SPPL2B: variants seen among roughly 807,000 people sequenced by gnomAD.
The protein encoded by SPPL2B is signal peptide peptidase like 2B, also known as signal peptide peptidase-like 2B.
SPPL2B carries 39 observed loss-of-function variants against 59.7 expected under a neutral mutation model. That is an observed-to-expected ratio of 0.65 (90% CI 0.51 to 0.85). The LOEUF (loss-of-function observed/expected upper bound fraction) is 0.85, where lower values mean the gene tolerates loss of function less well. SPPL2B is among the 40% of genes least tolerant of loss of function. The pLI, the probability that SPPL2B is intolerant of heterozygous loss-of-function variation, is 0.00. For missense variants in SPPL2B, 865 were observed against 849.0 expected (o/e 1.02, Z -0.23); for synonymous variants, 419 against 370.8 (o/e 1.13, Z -1.49).
intron 8 of SPPL2B, chr19:2,342,601 C>G (rs1969119270): frequency 1.3e-5 from 2 of 153,034 alleles, no homozygotes; most frequent in Admixed American, 6.5e-5. Flanking sequence ...TGCAGCGAGT[C>G]AAGATCGTGC....
At chr19:2,349,121 C>G (rs1272141624) in intron 13 of SPPL2B, among the ~76,000 whole-genome samples, 1 of 84,636 alleles carries the variant, frequency 1.2e-5, no homozygotes, top group Non-Finnish European at 2.3e-5. Context: ...CATTCTCTCC[C>G]TCCACACACA....
chr19:2,338,623 C>A, intron 3 of SPPL2B, 129 bp from the exon 4 acceptor site: 1 of 595,448 alleles, frequency 1.7e-6, no homozygotes, highest in Non-Finnish European at 3.0e-6. Flanking sequence ...AGAGGGGGAG[C>A]CAGCAGGCGC....
intron 11 of SPPL2B, 44 bp from the exon 12 acceptor site, chr19:2,344,509 G>C (rs377102234): frequency 1.9e-6 from 3 of 1,584,756 alleles, no homozygotes; most frequent in Non-Finnish European, 2.6e-6. Context: ...TCCCGCGGCC[G>C]GGTGAGGGTC....
chr19:2,341,383 A>T (rs1568440324), intron 8 of SPPL2B: 2 of 480,608 alleles, frequency 4.2e-6, no homozygotes, highest in African/African-American at 2.0e-5. Flanking sequence ...TTCGAGGCCC[A>T]GGGTGTGGGC....
At chr19:2,336,260 G>A (rs529523689) in intron 2 of SPPL2B, among the ~76,000 whole-genome samples, 2 of 140,220 alleles carry the variant, frequency 1.4e-5, no homozygotes, top group Non-Finnish European at 3.0e-5. Context: ...ATAGTTTTGT[G>A]TATGGATGTG....
Position 2,353,369 on chromosome 19 carries a change from C to G in SPPL2B, c.*160C>G. 1.1e-6 allele frequency: 1 copy of G among 927,106 alleles called. No homozygotes were observed. The highest frequency in any genetic ancestry group is 1.6e-6 in the Non-Finnish European group (1 of 640,016). The allele number at this position is 927,106 out of a possible 1,614,324, so 57.4% of individuals were successfully genotyped here. A position where few individuals can be genotyped will look rare whatever the true frequency, so the allele number is the denominator to read the frequency against. ...GTGCTCATCCTTGCCGAGACCCCTG[C>G]GGTCTGTGCCCGCGCCCAGCCCAGC... is the stretch of plus-strand genomic sequence containing the variant. On this transcript the variant is annotated 3_prime_UTR_variant, in exon 15 of 15. Coordinates refer to ENST00000613503, the MANE Select transcript of SPPL2B (RefSeq NM_152988.3).
chr19:2,348,803 C>T (rs1380899771), intron 13 of SPPL2B, among the ~76,000 whole-genome samples: 1 of 149,722 alleles, frequency 6.7e-6, no homozygotes, highest in Non-Finnish European at 1.5e-5. Context: ...TCTCCCTCCA[C>T]ACACACTCGT....
intron 8 of SPPL2B, chr19:2,341,682 C>A (rs970577728): frequency 7.0e-6 from 3 of 427,036 alleles, no homozygotes; most frequent in Non-Finnish European, 1.5e-5. Context: ...ATTGGAGCCA[C>A]GGCACGTTTA....
In SPPL2B at chr19:2,348,705, T is replaced by TCC. The variant is rs1173205042; in HGVS notation, c.1355-2728_1355-2727insCC. The stretch of plus-strand genomic sequence containing the variant: ...CTCTCATTCGCTTGATTCCGTTCTC[T>TCC]CTCCACACACACTCACGCTCTCATT... On this transcript the variant is annotated intron_variant, in intron 13 of 14. Transcript: ENST00000613503. Among the ~76,000 whole-genome samples, 674 of 77,910 alleles carry TCC rather than the reference T, an allele frequency of 8.7e-3. 4 individuals are homozygous for TCC. The highest frequency in any genetic ancestry group is 0.042 in the African/African-American group (621 of 14,682). 51.1% of individuals were successfully genotyped at this position (77,910 alleles called of 152,430 possible). A position where few individuals can be genotyped will look rare whatever the true frequency, so the allele number is the denominator to read the frequency against.
intron 13 of SPPL2B, among the ~76,000 whole-genome samples, chr19:2,350,004 GTTCTC>G (rs1568453767): frequency 7.7e-6 from 1 of 130,538 alleles, no homozygotes; most frequent in East Asian, 2.3e-4. Context: ...GCTTGATTCC[GTTCTC>G]TCCCTCGACA....
At position 2,338,774 on chromosome 19, in the gene SPPL2B, C is replaced by T. The variant is rs779875478; in HGVS notation, c.392C>T (p.Thr131Met). 1.2e-4 allele frequency: 198 copies of T among 1,613,174 alleles called. No homozygotes were observed. The highest frequency in any genetic ancestry group is 1.5e-4 in the Non-Finnish European group (181 of 1,179,532). Residue 131 changes from threonine to methionine, a missense_variant, in exon 4 of 15, where the codon ACG (threonine) becomes ATG (methionine). Thr to Met is a moderately conservative substitution (Grantham distance 81, BLOSUM62 -1). Coordinates refer to ENST00000613503, the MANE Select transcript of SPPL2B (RefSeq NM_152988.3). ...ERLVPPGGNKTQYDEIGIPVA... is the reference protein window; with the variant it reads ...ERLVPPGGNKMQYDEIGIPVA... ...CAGGTCCCCCCGGGGGGTAATAAGACGCAGTATGATGAGATTGGCATTCCC... is the reference window on the plus strand; with the variant it reads ...CAGGTCCCCCCGGGGGGTAATAAGATGCAGTATGATGAGATTGGCATTCCC...
rs1298449391 is a variant in SPPL2B, at chr19:2,352,961, T to G, written c.1531T>G (p.Ser511Ala). ...TCTCCTGTAGAAAGTCCTACCTCCA[T>G]CTCCGTGGGCCCCAGCACCAGCCGA... is the stretch of plus-strand genomic sequence containing the variant. ...GSGFAKVLPP[S>A]PWAPAPADGP... The change falls in exon 15 of 15, where the codon TCT becomes GCT. Residue 511 changes from serine to alanine, a missense_variant. Physicochemically the swap from Ser to Ala is moderately conservative, Grantham distance 99. Transcript: ENST00000613503. 1 of 1,611,816 alleles carries G rather than the reference T, an allele frequency of 6.2e-7. No homozygotes were observed. The highest frequency in any genetic ancestry group is 8.5e-7 in the Non-Finnish European group (1 of 1,179,642).
intron 13 of SPPL2B, among the ~76,000 whole-genome samples, chr19:2,348,211 A>G (rs1489914445): frequency 8.6e-6 from 1 of 116,074 alleles, no homozygotes; most frequent in African/African-American, 3.4e-5. Flanking sequence ...CTCTCTCCAC[A>G]CACACACACT....
chr19:2,347,815 C>T (rs1484076249), intron 13 of SPPL2B, among the ~76,000 whole-genome samples: 1 of 63,348 alleles, frequency 1.6e-5, no homozygotes, highest in African/African-American at 8.6e-5. Context: ...CACACACACG[C>T]GCTCTCATTC....
chr19:2,328,884 C>T (rs1449478223), intron 1 of SPPL2B, 109 bp downstream of exon 1: 1 of 976,570 alleles, frequency 1.0e-6, no homozygotes, highest in East Asian at 3.3e-5. Context: ...GGGGGTCCAG[C>T]CTCGGGGATC....
In SPPL2B at chr19:2,352,982, G is replaced by C. The variant is rs367985137; in HGVS notation, c.1552G>C (p.Ala518Pro). ...TCCATCTCCGTGGGCCCCAGCACCA[G>C]CCGACGGCCCGCAGCCTCCCAAAGA... is the stretch of plus-strand genomic sequence containing the variant. Reference protein sequence around the residue: ...LPPSPWAPAPADGPQPPKDSA... With the variant: ...LPPSPWAPAPPDGPQPPKDSA... The change falls in exon 15 of 15, where the codon GCC becomes CCC. Residue 518 changes from alanine to proline, a missense_variant. By Grantham distance (27) the Ala-to-Pro change is conservative. Coordinates refer to ENST00000613503, the MANE Select transcript of SPPL2B (RefSeq NM_152988.3). 1 of 1,612,210 alleles carries C rather than the reference G, an allele frequency of 6.2e-7. No homozygotes were observed. The highest frequency in any genetic ancestry group is 1.3e-5 in the African/African-American group (1 of 75,032).
At position 2,354,876 on chromosome 19, in the gene SPPL2B, G is replaced by A. The variant is rs1970098520; in HGVS notation, c.*1667G>A. The A allele has an allele frequency of 6.6e-6, 1 of 152,334 alleles. No individual in the cohort carries two copies. Among genetic ancestry groups the A allele is most frequent in the Admixed American group, 6.5e-5 (1 of 15,280 alleles). The allele number at this position is 152,334 out of a possible 1,614,324, so 9.4% of individuals were successfully genotyped here. A position where few individuals can be genotyped will look rare whatever the true frequency, so the allele number is the denominator to read the frequency against. On this transcript the variant is annotated 3_prime_UTR_variant, in exon 15 of 15. Transcript: ENST00000613503. ...TGTGCAGGTCCCGGTGAGCAGAACTGAGAGCTGGCAGGCCGCCTGGCTGTC... is the reference window on the plus strand; with the variant it reads ...TGTGCAGGTCCCGGTGAGCAGAACTAAGAGCTGGCAGGCCGCCTGGCTGTC...
intron 1 of SPPL2B, chr19:2,330,871 G>C (rs964941076): frequency 1.3e-5 from 2 of 152,310 alleles, no homozygotes; most frequent in Non-Finnish European, 2.9e-5. Flanking sequence ...ATGTGTCAGA[G>C]GGACGTGAGA....
At chr19:2,338,406 T>C in intron 3 of SPPL2B, 1 of 193,876 alleles carries the variant, frequency 5.2e-6, no homozygotes, top group Non-Finnish European at 1.1e-5. Context: ...CCTCAGTGGG[T>C]GCGGGGCTCA....
Sources: gnomAD v4.1 joint callset for allele counts (sites outside exome capture counted in the v4.1 genomes callset) on GRCh38, gnomAD v4.1.1 for gene constraint, MANE v1.5 for transcripts, NCBI Gene and HGNC (gene_info 2026-07-23, HGNC 2026-07-21) for gene names.